The following EVI5 variants were observed in gnomAD, a reference collection of about 807,000 sequenced individuals.
EVI5 encodes ecotropic viral integration site 5 protein homolog.
In EVI5, 73 loss-of-function variants were observed where a neutral mutation model predicts 112.0. The observed-to-expected ratio is 0.65, with a 90% CI of 0.54 to 0.79. The LOEUF (loss-of-function observed/expected upper bound fraction) is 0.79. Ranked by LOEUF, EVI5 falls within the 30% of genes least tolerant of loss-of-function variation. EVI5 has a pLI of 0.00. For synonymous variants in EVI5, 305 were observed against 319.9 expected (o/e 0.95, Z 0.50); for missense variants, 900 against 968.8 (o/e 0.93, Z 0.94).
intron 9 of EVI5, among the ~76,000 whole-genome samples, chr1:92,692,987 A>G (rs370467195): frequency 6.6e-6 from 1 of 152,236 alleles, no homozygotes; most frequent in East Asian, 1.9e-4. Context: ...AATAAAACTA[A>G]TGAGCAGAGA....
chr1:92,600,795 G>A (rs917993519), intron 18 of EVI5, among the ~76,000 whole-genome samples: 7 of 152,148 alleles, frequency 4.6e-5, no homozygotes, highest in East Asian at 3.9e-4. Context: ...TGTGCGGCCC[G>A]GTTCCTAACA....
intron 1 of EVI5, among the ~76,000 whole-genome samples, chr1:92,769,922 T>C (rs1445283433): frequency 2.6e-5 from 4 of 152,072 alleles, no homozygotes; most frequent in Non-Finnish European, 1.5e-5. Context: ...AGGGAGGTTA[T>C]CTTGAATTAT....
intron 2 of EVI5, among the ~76,000 whole-genome samples, chr1:92,726,972 G>A (rs1675667668): frequency 6.6e-6 from 1 of 151,914 alleles, no homozygotes; most frequent in East Asian, 1.9e-4. Flanking sequence ...ATTCAATAAA[G>A]TCAAAGATGG....
At chr1:92,731,939 G>C (rs1676545768) in intron 2 of EVI5, 1 of 152,280 alleles carries the variant, frequency 6.6e-6, no homozygotes, top group South Asian at 2.1e-4. Flanking sequence ...GTATAATCTT[G>C]GATCACCGAA....
At chr1:92,630,345 T>A (rs1259658421) in intron 14 of EVI5, among the ~76,000 whole-genome samples, 1 of 152,232 alleles carries the variant, frequency 6.6e-6, no homozygotes, top group Non-Finnish European at 1.5e-5. Context: ...TCCTGACTTT[T>A]TAATGATCAC....
intron 1 of EVI5, among the ~76,000 whole-genome samples, chr1:92,771,608 CTTTTTTTTT>C (rs10541210): frequency 7.1e-6 from 1 of 139,912 alleles, no homozygotes. Flanking sequence ...ATTTTCTTTT[CTTTTTTTTT>C]TTTTTTTGAG....
At chr1:92,517,043 G>GA (rs983648028) in intron 19 of EVI5, among the ~76,000 whole-genome samples, 2 of 152,278 alleles carry the variant, frequency 1.3e-5, no homozygotes, top group South Asian at 2.1e-4. Flanking sequence ...GAATCCTTTT[G>GA]AAAAGTGAAA....
At chr1:92,590,952 C>A (rs908746660) in intron 18 of EVI5, among the ~76,000 whole-genome samples, 1 of 152,156 alleles carries the variant, frequency 6.6e-6, no homozygotes. Flanking sequence ...GAGTGGGGGC[C>A]AATATTCAAC....
chr1:92,522,456 T>G (rs1217744682), intron 19 of EVI5, among the ~76,000 whole-genome samples: 1 of 151,738 alleles, frequency 6.6e-6, no homozygotes, highest in Non-Finnish European at 1.5e-5. Context: ...GCCAACATGG[T>G]GAAACCCCAT....
rs1553277061 is a variant in EVI5, at chr1:92,783,498, A to AG, written c.-82+1337_-82+1338insC. ...GACTCAGCCTTAAAAAAAAAAAAAA[A>AG]AAAAAAAAAGAAAAGAAAAGAAAAG... is the stretch of plus-strand genomic sequence containing the variant. On this transcript the variant is annotated intron_variant, in intron 1 of 19. Transcript: ENST00000684568. 1.3e-3 allele frequency among the ~76,000 whole-genome samples: 165 copies of AG among 128,964 alleles called. 15 individuals carry two copies. The highest frequency in any genetic ancestry group is 5.1e-3 in the Middle Eastern group (1 of 198). The allele number at this position is 128,964 out of a possible 152,430, so 84.6% of individuals were successfully genotyped here.
intron 19 of EVI5, among the ~76,000 whole-genome samples, chr1:92,516,194 A>G (rs1020213892): frequency 6.6e-5 from 10 of 152,114 alleles, no homozygotes; most frequent in African/African-American, 2.4e-4. Flanking sequence ...TTTTTCCCCC[A>G]GACCTTTTTG....
intron 18 of EVI5, among the ~76,000 whole-genome samples, chr1:92,575,752 C>T (rs1254948587): frequency 6.6e-6 from 1 of 151,862 alleles, no homozygotes; most frequent in Non-Finnish European, 1.5e-5. Flanking sequence ...TTAGCAGAGA[C>T]AGGGTTTCAC....
intron 18 of EVI5, among the ~76,000 whole-genome samples, chr1:92,564,573 T>G (rs1669124785): frequency 6.6e-6 from 1 of 152,094 alleles, no homozygotes; most frequent in Non-Finnish European, 1.5e-5. Context: ...ATCCTAAGAG[T>G]TTGTTTCAGG....
chr1:92,692,403 G>A (rs1305537153), intron 9 of EVI5, among the ~76,000 whole-genome samples: 1 of 152,172 alleles, frequency 6.6e-6, no homozygotes, highest in African/African-American at 2.4e-5. Flanking sequence ...TCAGTTACAA[G>A]GCACAGCGGC....
chr1:92,537,913 A>C (rs2101919311), intron 19 of EVI5, among the ~76,000 whole-genome samples: 1 of 152,274 alleles, frequency 6.6e-6, no homozygotes, highest in African/African-American at 2.4e-5. Flanking sequence ...AAAAAATTGT[A>C]GATTTCATGT....
At chr1:92,623,008 A>G (rs1170582453) in intron 16 of EVI5, among the ~76,000 whole-genome samples, 1 of 152,212 alleles carries the variant, frequency 6.6e-6, no homozygotes, top group Non-Finnish European at 1.5e-5. Context: ...TCTCAAAATC[A>G]TGTCTACTGG....
chr1:92,548,601 C>G (rs949205828), intron 19 of EVI5, among the ~76,000 whole-genome samples: 6 of 152,132 alleles, frequency 3.9e-5, no homozygotes, highest in African/African-American at 1.2e-4. Context: ...AAAACCCCAT[C>G]GTCTCAGCCC....
In EVI5 at chr1:92,552,987, AT is replaced by A. The variant is rs917169022; in HGVS notation, c.2166+10654del. ...CACATGTTTTCATTAACAAGTTAAA[AT>A]TTTTTTTTTTACCCATTGCAGGAAT... On this transcript the variant is annotated intron_variant, in intron 19 of 19. Coordinates refer to ENST00000684568, the MANE Select transcript of EVI5 (RefSeq NM_001350197.2). Among the ~76,000 whole-genome samples, 423 of 148,714 alleles carry A rather than the reference AT, an allele frequency of 2.8e-3. 6 individuals carry two copies. Among genetic ancestry groups the A allele is most frequent in the African/African-American group, 9.9e-3 (403 of 40,646 alleles).
chr1:92,642,125 C>T (rs1178228166), intron 13 of EVI5, among the ~76,000 whole-genome samples: 1 of 151,554 alleles, frequency 6.6e-6, no homozygotes, highest in Non-Finnish European at 1.5e-5. Flanking sequence ...AGCGATACTC[C>T]ATCCCAAAAA....
Sources: gnomAD v4.1 joint callset for allele counts (sites outside exome capture counted in the v4.1 genomes callset) on GRCh38, gnomAD v4.1.1 for gene constraint, MANE v1.5 for transcripts, NCBI Gene and HGNC (gene_info 2026-07-23, HGNC 2026-07-21) for gene names.